PKNOX2: variants seen among roughly 807,000 people sequenced by gnomAD.
PKNOX2 encodes PBX/knotted 1 homeobox 2.
Under a neutral mutation model 53.1 loss-of-function variants are expected in PKNOX2, and 14 were observed. That is an observed-to-expected ratio of 0.26 (90% CI 0.17 to 0.41). The LOEUF (loss-of-function observed/expected upper bound fraction) is 0.41, where lower values mean the gene tolerates loss of function less well. PKNOX2 is among the 10% of genes least tolerant of loss of function. The probability of loss-of-function intolerance (pLI) is 1.00; values close to 1 mark genes in which losing one functional copy is unlikely to be tolerated. For missense variants in PKNOX2, 496 were observed against 602.8 expected (o/e 0.82, Z 1.85); for synonymous variants, 257 against 242.8 (o/e 1.06, Z -0.54).
At chr11:125,246,333 A>T (rs926085840) in intron 2 of PKNOX2, among the ~76,000 whole-genome samples, 9 of 152,298 alleles carry the variant, frequency 5.9e-5, no homozygotes, top group Middle Eastern at 3.4e-3. Context: ...CTGCAATAAC[A>T]AACCCACTCC....
At chr11:125,337,274 A>G (rs1281313978) in intron 3 of PKNOX2, among the ~76,000 whole-genome samples, 1 of 152,164 alleles carries the variant, frequency 6.6e-6, no homozygotes, top group Non-Finnish European at 1.5e-5. Context: ...CTGTGGTGTC[A>G]TGACTGGTGC....
At chr11:125,404,810 G>A (rs1326481826) in intron 7 of PKNOX2, among the ~76,000 whole-genome samples, 1 of 152,170 alleles carries the variant, frequency 6.6e-6, no homozygotes, top group Non-Finnish European at 1.5e-5. Context: ...GAAAGACGAC[G>A]CCTGCATTAG....
At chr11:125,238,544 T>C (rs1942914796) in intron 2 of PKNOX2, among the ~76,000 whole-genome samples, 1 of 152,230 alleles carries the variant, frequency 6.6e-6, no homozygotes, top group Non-Finnish European at 1.5e-5. Flanking sequence ...ACTTACACTA[T>C]TTTCTTGTAT....
intron 2 of PKNOX2, among the ~76,000 whole-genome samples, chr11:125,317,405 A>G (rs1384247545): frequency 1.3e-5 from 2 of 152,252 alleles, no homozygotes; most frequent in Non-Finnish European, 2.9e-5. Flanking sequence ...AGGAATTGCT[A>G]TCTATGGCAG....
chr11:125,392,601 G>A (rs1189676307), intron 6 of PKNOX2, among the ~76,000 whole-genome samples: 2 of 152,160 alleles, frequency 1.3e-5, no homozygotes, highest in Admixed American at 6.5e-5. Context: ...CATGCTGTGC[G>A]TGTATTTTAT....
intron 1 of PKNOX2, among the ~76,000 whole-genome samples, chr11:125,226,057 G>C (rs1252598251): frequency 1.3e-5 from 2 of 152,192 alleles, no homozygotes; most frequent in Non-Finnish European, 2.9e-5. Flanking sequence ...AATTTCTCTT[G>C]CTTCCTGTGA....
At chr11:125,413,534 G>T (rs1454560668) in intron 10 of PKNOX2, among the ~76,000 whole-genome samples, 1 of 152,318 alleles carries the variant, frequency 6.6e-6, no homozygotes, top group African/African-American at 2.4e-5. Context: ...AACTGCTCGT[G>T]GAGCTAAGTC....
In PKNOX2 at chr11:125,397,956, G is replaced by A. The variant is rs1954511064; in HGVS notation, c.482G>A (p.Arg161His). The stretch of plus-strand genomic sequence containing the variant: ...GAACTCTGCAAGGACTTTTGTAACC[G>A]TTACATCACCTGCCTCAAAACCAAG... Reference protein sequence around the residue: ...VNELCKDFCNRYITCLKTKMH... With the variant: ...VNELCKDFCNHYITCLKTKMH... Residue 161 changes from arginine (R) to histidine (H), a missense_variant, in exon 7 of 13, where the codon CGT (arginine) becomes CAT (histidine). Transcript: ENST00000298282. The A allele has an allele frequency of 1.2e-6, 2 of 1,614,094 alleles. No individual in the cohort carries two copies. The highest frequency in any genetic ancestry group is 1.7e-6 in the Non-Finnish European group (2 of 1,180,000).
At chr11:125,262,245 C>T (rs112032779) in intron 2 of PKNOX2, among the ~76,000 whole-genome samples, 23 of 152,180 alleles carry the variant, frequency 1.5e-4, no homozygotes, top group African/African-American at 4.3e-4. Context: ...TATGCAGCTG[C>T]GTCTCCCCTT....
intron 2 of PKNOX2, among the ~76,000 whole-genome samples, chr11:125,326,562 G>A (rs1009784548): frequency 6.6e-6 from 1 of 152,220 alleles, no homozygotes; most frequent in Non-Finnish European, 1.5e-5. Flanking sequence ...CCATAAACAA[G>A]TCGATGAATT....
At chr11:125,315,303 G>GAAAAAAAAAAAAAAAAAAAAAAAAAAAAA (rs534448203) in intron 2 of PKNOX2, among the ~76,000 whole-genome samples, 1 of 79,456 alleles carries the variant, frequency 1.3e-5, no homozygotes, top group Middle Eastern at 6.9e-3. Flanking sequence ...TGTGAAGCAG[G>GAAAAAAAAAAAAAAAAAAAAAAAAAAAAA]AAAAAAAAAA....
chr11:125,169,204 A>G (rs1490268981), intron 1 of PKNOX2, among the ~76,000 whole-genome samples: 7 of 152,194 alleles, frequency 4.6e-5, no homozygotes, highest in African/African-American at 1.7e-4. Context: ...CAGAGGAAAA[A>G]CTGAGGAAGT....
intron 5 of PKNOX2, among the ~76,000 whole-genome samples, chr11:125,375,142 A>G (rs960490220): frequency 6.6e-6 from 1 of 152,180 alleles, no homozygotes; most frequent in Non-Finnish European, 1.5e-5. Flanking sequence ...TTCTGACTCT[A>G]TCATCGGGCA....
chr11:125,421,477 C>A (rs1448246166), intron 10 of PKNOX2, among the ~76,000 whole-genome samples: 1 of 152,168 alleles, frequency 6.6e-6, no homozygotes, highest in Non-Finnish European at 1.5e-5. Flanking sequence ...GCTTTGGAGG[C>A]AGATAGGCTT....
chr11:125,242,895 C>T (rs1479498281), intron 2 of PKNOX2, among the ~76,000 whole-genome samples: 1 of 152,166 alleles, frequency 6.6e-6, no homozygotes, highest in Non-Finnish European at 1.5e-5. Flanking sequence ...AACAAATGCT[C>T]AGCGAATGCA....
rs184062820 is a variant in PKNOX2, at chr11:125,429,531, G to C, written c.1014-432G>C. Among the ~76,000 whole-genome samples the C allele has an allele frequency of 1.7e-4, 26 of 152,284 alleles. No homozygotes were observed. In the East Asian group the frequency reaches 4.8e-3, roughly 28 times the overall value. On this transcript the variant is annotated intron_variant, in intron 11 of 12. Transcript: ENST00000298282. ...GAGGAGTAGCCATTCTGACCCCACAGGGATCTCAGCTTTCCCAGTCTCTGT... is the reference window on the plus strand; with the variant it reads ...GAGGAGTAGCCATTCTGACCCCACACGGATCTCAGCTTTCCCAGTCTCTGT...
intron 2 of PKNOX2, among the ~76,000 whole-genome samples, chr11:125,304,229 G>A (rs529803813): frequency 2.6e-5 from 4 of 152,360 alleles, no homozygotes; most frequent in African/African-American, 9.6e-5. Flanking sequence ...CCCAGCCCCA[G>A]GGGCCCATCT....
At chr11:125,208,518 C>CT (rs1323384110) in intron 1 of PKNOX2, among the ~76,000 whole-genome samples, 4 of 151,978 alleles carry the variant, frequency 2.6e-5, no homozygotes, top group Non-Finnish European at 5.9e-5. Flanking sequence ...AGTTAGGAGA[C>CT]TAATGTGATG....
intron 1 of PKNOX2, among the ~76,000 whole-genome samples, chr11:125,177,638 T>A (rs1955797401): frequency 6.6e-6 from 1 of 152,210 alleles, no homozygotes; most frequent in Admixed American, 6.5e-5. Flanking sequence ...GGTTCTCATA[T>A]TCATGAGTTC....
Sources: allele counts gnomAD v4.1 joint callset (sites outside exome capture counted in the v4.1 genomes callset), GRCh38; gene constraint gnomAD v4.1.1; transcripts MANE v1.5; gene names NCBI Gene and HGNC (gene_info 2026-07-23, HGNC 2026-07-21).